VRTN: variants seen among roughly 807,000 people sequenced by gnomAD.
VRTN encodes vertebrae development associated.
VRTN carries 5 observed loss-of-function variants against 18.2 expected under a neutral mutation model. That is an observed-to-expected ratio of 0.27 (90% confidence interval 0.14 to 0.58). VRTN has a LOEUF of 0.58. Ranked by LOEUF, VRTN falls within the 20% of genes least tolerant of loss-of-function variation. VRTN has a pLI of 0.91. For synonymous variants in VRTN, 381 were observed against 393.7 expected, an observed-to-expected ratio of 0.97 and a Z score of 0.38; for missense variants, 741 against 939.4, an observed-to-expected ratio of 0.79 and a Z score of 2.76.
Position 74,359,149 on chromosome 14 carries a change from T to A in VRTN, c.*257T>A. On this transcript the variant is annotated 3_prime_UTR_variant, in exon 2 of 2. Transcript: ENST00000256362. The stretch of plus-strand genomic sequence containing the variant: ...TTTGCTGGTCATATTTTTACTGTTA[T>A]GATTTAGTTTTTGGTTTTGATTTGA... The A allele has an allele frequency of 4.6e-6, 3 of 653,080 alleles. No individual in the cohort carries two copies. Among genetic ancestry groups the A allele is most frequent in the Middle Eastern group, 5.1e-4 (1 of 1,958 alleles). 40.5% of individuals were successfully genotyped at this position (653,080 alleles called of 1,614,324 possible). A position where few individuals can be genotyped will look rare whatever the true frequency, so the allele number is the denominator to read the frequency against.
rs1328275705 is a variant in VRTN, at chr14:74,313,021, A to G, written c.-164+9845A>G. Among the ~76,000 whole-genome samples, 5 of 316 alleles carry G rather than the reference A, an allele frequency of 0.016. No homozygotes were observed. The East Asian group carries it at 0.23, about 14-fold the overall frequency. The allele number at this position is 316 out of a possible 152,430, so 0.2% of individuals were successfully genotyped here. A position where few individuals can be genotyped will look rare whatever the true frequency, so the allele number is the denominator to read the frequency against. ...CTCCCAAAGTGCTGGGATTACAGGCATGCGCGCTGCGCCTGGCCTGTGTTT... is the reference window on the plus strand; with the variant it reads ...CTCCCAAAGTGCTGGGATTACAGGCGTGCGCGCTGCGCCTGGCCTGTGTTT... On this transcript the variant is annotated intron_variant, in intron 1 of 2. Coordinates refer to the VRTN transcript ENST00000557177.
intron 1 of VRTN, among the ~76,000 whole-genome samples, chr14:74,327,731 A>ATTC (rs1196510595): frequency 1.3e-5 from 2 of 151,834 alleles, no homozygotes; most frequent in African/African-American, 4.8e-5. Flanking sequence ...TATTATTATT[A>ATTC]TTTGAGATGG....
intron 1 of VRTN, among the ~76,000 whole-genome samples, chr14:74,307,146 T>TC: frequency 6.9e-6 from 1 of 144,880 alleles, no homozygotes; most frequent in African/African-American, 2.6e-5. Context: ...CCTTTTTTTT[T>TC]TTTTTTTTTT....
rs528061000 is a variant in VRTN at position 74,320,285 on chromosome 14, G to A, written c.-164+17109G>A. ...TTTTTTTTTTTTTTTTTTTGAGACGGAGTCTCGCTCTGTCGCCCAGGCTGG... is the reference window on the plus strand; with the variant it reads ...TTTTTTTTTTTTTTTTTTTGAGACGAAGTCTCGCTCTGTCGCCCAGGCTGG... On this transcript the variant is annotated intron_variant, in intron 1 of 2. Transcript: ENST00000557177. Among the ~76,000 whole-genome samples the A allele has an allele frequency of 2.0e-3, 250 of 126,286 alleles. 4 individuals are homozygous for A. The highest frequency in any genetic ancestry group is 2.2e-3 in the Non-Finnish European group (135 of 62,754). 82.8% of individuals were successfully genotyped at this position (126,286 alleles called of 152,430 possible).
At position 74,359,137 on chromosome 14, in the gene VRTN, T is replaced by G. The variant is rs2085761881; in HGVS notation, c.*245T>G. On this transcript the variant is annotated 3_prime_UTR_variant, in exon 2 of 2. Transcript: ENST00000256362. The stretch of plus-strand genomic sequence containing the variant: ...CCTCTTTCGTTGTTTGCTGGTCATA[T>G]TTTTACTGTTATGATTTAGTTTTTG... The G allele has an allele frequency of 1.4e-6, 1 of 700,328 alleles. No individual in the cohort carries two copies. The highest frequency in any genetic ancestry group is 3.9e-5 in the Admixed American group (1 of 25,848). 43.4% of individuals were successfully genotyped at this position (700,328 alleles called of 1,614,324 possible). A position where few individuals can be genotyped will look rare whatever the true frequency, so the allele number is the denominator to read the frequency against.
At chr14:74,317,299 G>T (rs1371721179) in intron 1 of VRTN, among the ~76,000 whole-genome samples, 1 of 152,184 alleles carries the variant, frequency 6.6e-6, no homozygotes, top group African/African-American at 2.4e-5. Flanking sequence ...GAGCTGTAGA[G>T]AAGTGGCTCT....
chr14:74,303,625 CT>C (rs2085187613), intron 1 of VRTN, among the ~76,000 whole-genome samples: 1 of 152,118 alleles, frequency 6.6e-6, no homozygotes, highest in Non-Finnish European at 1.5e-5. Flanking sequence ...TATCAGTTGA[CT>C]GATTAGTACC....
rs1235339424 is a variant in VRTN, at chr14:74,358,894, A to G, written c.*2A>G. 1.2e-6 allele frequency: 2 copies of G among 1,604,464 alleles called. No homozygotes were observed. The highest frequency in any genetic ancestry group is 2.2e-5 in the East Asian group (1 of 44,766). ...GGCCTGACCCTGGTAGATGGCTGAC[A>G]GGGAGGTACAAAAGGGGCTGGGAAG... On this transcript the variant is annotated 3_prime_UTR_variant, in exon 2 of 2. Transcript: ENST00000256362. This position sits in a 1 kb window ranked among gnomAD's most constrained non-coding sequence, Gnocchi z 5.4.
intron 1 of VRTN, among the ~76,000 whole-genome samples, chr14:74,327,710 TTTATTATTA>T (rs1555410821): frequency 8.6e-5 from 13 of 150,994 alleles, no homozygotes; most frequent in Admixed American, 8.6e-4. Flanking sequence ...TTGATTTTAT[TTTATTATTA>T]TTATTATTAT....
intron 1 of VRTN, among the ~76,000 whole-genome samples, chr14:74,334,228 A>C (rs552421018): frequency 6.6e-6 from 1 of 152,314 alleles, no homozygotes; most frequent in East Asian, 1.9e-4. Context: ...ATATAAGTTC[A>C]TTAAAAACAA....
In VRTN at chr14:74,359,773, G is replaced by C. The variant is rs2085767325; in HGVS notation, c.*881G>C. On this transcript the variant is annotated 3_prime_UTR_variant, in exon 2 of 2. Transcript: ENST00000256362. ...CTGGGAGATGCAGGCTCTGTTTGCA[G>C]ATTATGGCCCAGAGTCTCTGCTTGT... 6.0e-6 allele frequency: 1 copy of C among 167,108 alleles called. No individual in the cohort carries two copies. Among genetic ancestry groups the C allele is most frequent in the Non-Finnish European group, 1.5e-5 (1 of 68,252 alleles). 10.4% of individuals were successfully genotyped at this position (167,108 alleles called of 1,614,324 possible). A position where few individuals can be genotyped will look rare whatever the true frequency, so the allele number is the denominator to read the frequency against.
At chr14:74,355,422 C>T (rs979982134) in intron 1 of VRTN, among the ~76,000 whole-genome samples, 4 of 152,282 alleles carry the variant, frequency 2.6e-5, no homozygotes, top group South Asian at 2.1e-4. Flanking sequence ...CATCATACCT[C>T]GGGTTGCAGC....
At chr14:74,324,981 G>A (rs1244909872) in intron 1 of VRTN, among the ~76,000 whole-genome samples, 2 of 151,838 alleles carry the variant, frequency 1.3e-5, no homozygotes, top group Admixed American at 1.3e-4. Flanking sequence ...CCCCAAATGA[G>A]CAAACTAGTA....
intron 1 of VRTN, among the ~76,000 whole-genome samples, chr14:74,333,414 C>T (rs531029998): frequency 5.9e-5 from 9 of 151,292 alleles, no homozygotes; most frequent in South Asian, 2.1e-4. Flanking sequence ...CACTTGAACC[C>T]GGGAGATCAA....
intron 1 of VRTN, chr14:74,306,110 AATATATATGTAAAAT>A (rs2085346580): frequency 6.8e-6 from 1 of 146,292 alleles, no homozygotes; most frequent in African/African-American, 2.5e-5. Context: ...TATATGTAAA[AATATATATGTAAAAT>A]ATATATATGT....
Position 74,358,162 on chromosome 14 carries a change from G to A in VRTN, c.1379G>A (p.Gly460Glu), listed in dbSNP as rs1256577083. 6.2e-7 allele frequency: 1 copy of A among 1,614,042 alleles called. No individual in the cohort carries two copies. The highest frequency in any genetic ancestry group is 1.3e-5 in the African/African-American group (1 of 75,072). ...FKPAPALSAAGTPQLASVGEG... is the reference protein window; with the variant it reads ...FKPAPALSAAETPQLASVGEG... ...CCGGCACCAGCCCTCTCTGCTGCTG[G>A]GACTCCCCAGCTAGCATCTGTTGGG... The change falls in exon 2 of 2, where the codon GGG (glycine) becomes GAG (glutamate). Residue 460 changes from glycine (G) to glutamate (E), a missense_variant. Around this residue, in one of 3 missense-constraint regions of VRTN, gnomAD observed 494 missense variants for 546.5 expected, o/e 0.90. Transcript: ENST00000256362. This position sits in a 1 kb window ranked among gnomAD's most constrained non-coding sequence, Gnocchi z 5.4.
intron 2 of VRTN, among the ~76,000 whole-genome samples, chr14:74,340,556 T>C (rs2085598108): frequency 6.6e-6 from 1 of 152,038 alleles, no homozygotes; most frequent in Non-Finnish European, 1.5e-5. Context: ...GAGAAGCCTT[T>C]TGAGTTTCAA....
intron 1 of VRTN, among the ~76,000 whole-genome samples, chr14:74,350,571 A>C (rs2085676961): frequency 6.6e-6 from 1 of 152,078 alleles, no homozygotes; most frequent in Admixed American, 6.5e-5. Context: ...AAAAATCCAT[A>C]AGTTTCTGGA....
At chr14:74,333,931 T>A (rs915249132) in intron 1 of VRTN, among the ~76,000 whole-genome samples, 1 of 152,216 alleles carries the variant, frequency 6.6e-6, no homozygotes, top group African/African-American at 2.4e-5. Context: ...ATTGTTCTAG[T>A]TGCTTTACAT....
Sources: gnomAD v4.1 joint callset for allele counts (sites outside exome capture counted in the v4.1 genomes callset) on GRCh38, gnomAD v4.1.1 for gene constraint, gnomAD v4.1.1 regional missense constraint, Gnocchi (gnomAD v3.1) non-coding constraint, MANE v1.5 for transcripts, NCBI Gene and HGNC (gene_info 2026-07-23, HGNC 2026-07-21) for gene names.